The following ZNF341 variants were observed in gnomAD, a reference collection of about 807,000 sequenced individuals.
ZNF341 encodes the protein zinc finger protein 341.
ZNF341 carries 52 observed loss-of-function variants against 87.7 expected under a neutral mutation model. That is an observed-to-expected ratio of 0.59 (90% CI 0.47 to 0.75). The LOEUF (loss-of-function observed/expected upper bound fraction) is 0.75. Ranked by LOEUF, ZNF341 falls within the 30% of genes least tolerant of loss-of-function variation. The probability of loss-of-function intolerance (pLI) is 0.00; values close to 1 mark genes in which losing one functional copy is unlikely to be tolerated. For synonymous variants in ZNF341, 459 were observed against 472.7 expected (o/e 0.97, Z 0.38); for missense variants, 977 against 1,145.9 (o/e 0.85, Z 2.13).
At chr20:33,784,052 G>A (rs1278901786) in intron 12 of ZNF341, among the ~76,000 whole-genome samples, 188 bp downstream of exon 12, 1 of 54,722 alleles carries the variant, frequency 1.8e-5, no homozygotes, top group African/African-American at 7.9e-5. Context: ...CTCAGCCCCC[G>A]TCTCCCTCCT....
At chr20:33,789,386 C>A in intron 13 of ZNF341, 132 bp from the exon 14 acceptor site, 3 of 901,880 alleles carry the variant, frequency 3.3e-6, no homozygotes, top group South Asian at 1.4e-5. Context: ...GCCTGCCTCA[C>A]TTCCCACCCT....
At chr20:33,781,082 G>T (rs2019732642) in intron 10 of ZNF341, among the ~76,000 whole-genome samples, 2 of 152,160 alleles carry the variant, frequency 1.3e-5, no homozygotes, top group Non-Finnish European at 2.9e-5. Flanking sequence ...CAGGGGCAGG[G>T]TGGCCAGCGA....
At chr20:33,747,338 G>A (rs969184648) in intron 3 of ZNF341, among the ~76,000 whole-genome samples, 7 of 136,358 alleles carry the variant, frequency 5.1e-5, no homozygotes, top group Admixed American at 6.9e-5. Flanking sequence ...CATTTTGGCC[G>A]GGCGCGGTGG....
chr20:33,784,890 A>G lies in ZNF341; in HGVS notation c.1852+1026A>G, dbSNP rs371765454. On this transcript the variant is annotated intron_variant, in intron 12 of 14. Transcript: ENST00000375200. ...CTCGGCCTCCCAAAGTGCTGGGATGACAGGCGTGAGGCACTGCACCCAGCC... is the reference window on the plus strand; with the variant it reads ...CTCGGCCTCCCAAAGTGCTGGGATGGCAGGCGTGAGGCACTGCACCCAGCC... Among the ~76,000 whole-genome samples the G allele has an allele frequency of 1.6e-4, 24 of 152,258 alleles. No individual in the cohort carries two copies. In the East Asian group the frequency reaches 1.9e-3, roughly 12 times the overall value.
At position 33,753,317 on chromosome 20, in the gene ZNF341, C is replaced by T; in HGVS notation, c.635C>T (p.Pro212Leu). 1 of 1,611,604 alleles carries T rather than the reference C, an allele frequency of 6.2e-7. No individual in the cohort carries two copies. ...QSLGPPGRPN[P>L]GGNGVVEVYS... ...CTGGGCCCCCCTGGGCGTCCCAACC[C>T]TGGTGGGAACGGTGTGGTGGAGGTG... is the stretch of plus-strand genomic sequence containing the variant. The change falls in exon 5 of 15, where the codon CCT becomes CTT. Residue 212 changes from proline to leucine, a missense_variant. By Grantham distance (98) the Pro-to-Leu change is moderately conservative (BLOSUM62 -3). Coordinates refer to ENST00000375200, the MANE Select transcript of ZNF341 (RefSeq NM_001282933.2).
chr20:33,779,650 C>T (rs901260690), intron 10 of ZNF341, among the ~76,000 whole-genome samples: 2 of 152,030 alleles, frequency 1.3e-5, no homozygotes, highest in African/African-American at 2.4e-5. Flanking sequence ...AGGGTTTCAC[C>T]GTATTGGCCA....
chr20:33,765,139 G>A (rs1388445774), intron 8 of ZNF341, among the ~76,000 whole-genome samples: 1 of 151,962 alleles, frequency 6.6e-6, no homozygotes, highest in Non-Finnish European at 1.5e-5. Flanking sequence ...CACATTTCAA[G>A]TTCTCAGTAG....
In ZNF341 at chr20:33,758,825, G is replaced by T. The variant is rs1286704283; in HGVS notation, c.1028+19G>T. 2 of 1,610,738 alleles carry T rather than the reference G, an allele frequency of 1.2e-6. No individual in the cohort carries two copies. On this transcript the variant is annotated intron_variant, in intron 7 of 14. Transcript: ENST00000375200. ...TCCGAAGGTACACATGCGTGGTGAGGCAGGTGGCTCCTGGGCAGGTGTGGC... is the reference window on the plus strand; with the variant it reads ...TCCGAAGGTACACATGCGTGGTGAGTCAGGTGGCTCCTGGGCAGGTGTGGC...
At chr20:33,776,346 G>C (rs991205046) in intron 10 of ZNF341, among the ~76,000 whole-genome samples, 2 of 149,600 alleles carry the variant, frequency 1.3e-5, no homozygotes, top group Non-Finnish European at 3.0e-5. Context: ...TCCTACCTTG[G>C]CCTCCCAAAG....
At chr20:33,737,119 T>G (rs2018705033) in intron 1 of ZNF341, among the ~76,000 whole-genome samples, 1 of 152,118 alleles carries the variant, frequency 6.6e-6, no homozygotes, top group Non-Finnish European at 1.5e-5. Context: ...GAAAGTGTTT[T>G]GGTGGAACTG....
intron 11 of ZNF341, 105 bp from the exon 12 acceptor site, chr20:33,783,627 A>C: frequency 6.6e-7 from 1 of 1,514,662 alleles, no homozygotes; most frequent in East Asian, 2.3e-5. Context: ...GCCAGAAAGG[A>C]AGGTGTCTCT....
chr20:33,765,600 G>C (rs988776154), intron 8 of ZNF341, among the ~76,000 whole-genome samples: 9 of 152,010 alleles, frequency 5.9e-5, no homozygotes, highest in Admixed American at 5.9e-4. Context: ...GGCTGGTCTT[G>C]AACTCCTGGG....
intron 3 of ZNF341, among the ~76,000 whole-genome samples, chr20:33,746,714 G>T (rs936555821): frequency 6.6e-6 from 1 of 152,180 alleles, no homozygotes; most frequent in African/African-American, 2.4e-5. Flanking sequence ...GTGGATGCGG[G>T]TAGCTTGACC....
chr20:33,784,827 G>A (rs538375262), intron 12 of ZNF341, among the ~76,000 whole-genome samples: 1 of 152,158 alleles, frequency 6.6e-6, no homozygotes, highest in East Asian at 1.9e-4. Flanking sequence ...TGTTGGCCAG[G>A]CTGGTTTCGA....
intron 5 of ZNF341, among the ~76,000 whole-genome samples, chr20:33,753,760 C>T (rs2019111468): frequency 6.6e-6 from 1 of 152,194 alleles, no homozygotes; most frequent in South Asian, 2.1e-4. Context: ...AAATTATCTG[C>T]CTGAGTGTCT....
At chr20:33,776,990 C>T (rs2019639934) in intron 10 of ZNF341, among the ~76,000 whole-genome samples, 1 of 151,732 alleles carries the variant, frequency 6.6e-6, no homozygotes, top group Non-Finnish European at 1.5e-5. Flanking sequence ...ATAACCTCTT[C>T]CATAAGGGCA....
chr20:33,758,151 G>GAATA (rs1198388929), intron 6 of ZNF341, among the ~76,000 whole-genome samples: 1 of 152,124 alleles, frequency 6.6e-6, no homozygotes, highest in East Asian at 1.9e-4. Flanking sequence ...GACAGACAGG[G>GAATA]AATAAATAAA....
At chr20:33,759,515 C>G (rs1417351765) in intron 7 of ZNF341, among the ~76,000 whole-genome samples, 1 of 152,142 alleles carries the variant, frequency 6.6e-6, no homozygotes, top group African/African-American at 2.4e-5. Flanking sequence ...AACTCCCAAC[C>G]TCAGGTGATC....
At position 33,767,001 on chromosome 20, in the gene ZNF341, T is replaced by A. The variant is rs1291341786; in HGVS notation, c.1373T>A (p.Phe458Tyr). ...QFCPSKFSTY[F>Y]QLKSHMTQHK... ...TGCCCCAGCAAATTCAGCACCTACT[T>A]CCAGCTCAAGTCTCACATGACCCAG... The change falls in exon 9 of 15, where the codon TTC becomes TAC. Residue 458 changes from phenylalanine to tyrosine, a missense_variant. Phe to Tyr is a conservative substitution (Grantham distance 22). Around this residue, in one of 3 missense-constraint regions of ZNF341, gnomAD observed 241 missense variants for 335.0 expected, o/e 0.72. Coordinates refer to ENST00000375200, the MANE Select transcript of ZNF341 (RefSeq NM_001282933.2). The A allele has an allele frequency of 1.9e-6, 3 of 1,613,934 alleles. No homozygotes were observed. In the African/African-American group the frequency reaches 4.0e-5, roughly 22 times the overall value.
Sources: gnomAD v4.1 joint callset for allele counts (sites outside exome capture counted in the v4.1 genomes callset) on GRCh38, gnomAD v4.1.1 for gene constraint, gnomAD v4.1.1 regional missense constraint, MANE v1.5 for transcripts, NCBI Gene and HGNC (gene_info 2026-07-23, HGNC 2026-07-21) for gene names.